Variants in KDM3B observed in about 807,000 individuals in gnomAD.
KDM3B encodes lysine-specific demethylase 3B.
Under a neutral mutation model 170.0 loss-of-function variants are expected in KDM3B, and 10 were observed. The observed-to-expected ratio is 0.06, with a 90% CI of 0.04 to 0.10. The LOEUF (loss-of-function observed/expected upper bound fraction) is 0.10, where lower values mean the gene tolerates loss of function less well. Among genes scored for constraint, KDM3B ranks in the 10% least tolerant of loss-of-function variants. The pLI, the probability that KDM3B is intolerant of heterozygous loss-of-function variation, is 1.00. For synonymous variants in KDM3B, 831 were observed against 834.8 expected, an observed-to-expected ratio of 1.00 and a Z score of 0.08; for missense variants, 1,394 against 2,195.2, an observed-to-expected ratio of 0.64 and a Z score of 7.29.
intron 9 of KDM3B, among the ~76,000 whole-genome samples, chr5:138,397,118 C>T (rs562570319): frequency 2.6e-5 from 4 of 151,842 alleles, no homozygotes; most frequent in African/African-American, 7.2e-5. Flanking sequence ...ATCACAAGGT[C>T]GGGAGATCGA....
At chr5:138,400,380 C>T (rs1464284736) in intron 11 of KDM3B, among the ~76,000 whole-genome samples, 1 of 151,924 alleles carries the variant, frequency 6.6e-6, no homozygotes, top group Non-Finnish European at 1.5e-5. Flanking sequence ...AGGCATGAGC[C>T]ACCGTACCTG....
At position 138,435,960 on chromosome 5, in the gene KDM3B, A is replaced by G. The variant is rs1049164479; in HGVS notation, c.*260A>G. On this transcript the variant is annotated 3_prime_UTR_variant, in exon 24 of 24. Coordinates refer to ENST00000314358, the MANE Select transcript of KDM3B (RefSeq NM_016604.4). ...TATCCTGTGGCCTTTTGGAAATCCA[A>G]ATTGCCTGAACATGGCGGGGCTTTC... 2.4e-6 allele frequency: 1 copy of G among 423,882 alleles called. No homozygotes were observed. Among genetic ancestry groups the G allele is most frequent in the African/African-American group, 2.0e-5 (1 of 49,438 alleles). 26.3% of individuals were successfully genotyped at this position (423,882 alleles called of 1,614,324 possible).
intron 11 of KDM3B, among the ~76,000 whole-genome samples, chr5:138,406,256 G>T (rs1250588504): frequency 1.9e-4 from 29 of 152,158 alleles, no homozygotes; most frequent in Admixed American, 1.8e-3. Context: ...GATGGGAGAG[G>T]ATCACCTGAG....
rs112411299 is a variant in KDM3B, at chr5:138,356,420, T to C, written c.192+3433T>C. On this transcript the variant is annotated intron_variant, in intron 1 of 23. Coordinates refer to ENST00000314358, the MANE Select transcript of KDM3B (RefSeq NM_016604.4). Reference sequence around the variant, plus strand: ...TCAGTCTTTCTCATTTTTGCCAATCTGATGGGTGAAAAACAATATCCATAA... The same window carrying C: ...TCAGTCTTTCTCATTTTTGCCAATCCGATGGGTGAAAAACAATATCCATAA... Among the ~76,000 whole-genome samples the C allele has an allele frequency of 8.1e-3, 1,235 of 152,286 alleles. 11 individuals are homozygous for C. The highest frequency in any genetic ancestry group is 0.014 in the Non-Finnish European group (944 of 68,020).
At position 138,379,739 on chromosome 5, in the gene KDM3B, C is replaced by T. The variant is rs116734540; in HGVS notation, c.705+31C>T. ...ACTCTGTGTTATTCTGTCTAAGGTC[C>T]ATCCATCCCCTTAAAGAGGATGGTT... is the stretch of plus-strand genomic sequence containing the variant. On this transcript the variant is annotated intron_variant, in intron 5 of 23. Transcript: ENST00000314358. 2,516 of 1,591,134 alleles carry T rather than the reference C, an allele frequency of 1.6e-3. 6 individuals are homozygous for T. Among genetic ancestry groups the T allele is most frequent in the Admixed American group, 1.6e-3 (92 of 56,478 alleles).
At position 138,372,759 on chromosome 5, in the gene KDM3B, A is replaced by G; in HGVS notation, c.278A>G (p.Glu93Gly). 1 of 1,614,086 alleles carries G rather than the reference A, an allele frequency of 6.2e-7. No individual in the cohort carries two copies. Among genetic ancestry groups the G allele is most frequent in the Non-Finnish European group, 8.5e-7 (1 of 1,180,004 alleles). The change falls in exon 2 of 24, where the codon GAA becomes GGA. Residue 93 changes from glutamate (E) to glycine (G), a missense_variant. This residue lies in a region of KDM3B where 16 missense variants were observed against 48.6 expected (regional missense o/e 0.33). Transcript: ENST00000314358. ...HAEEVIVLLL[E>G]GSLVWAPRED... is the part of the protein sequence containing the mutation. ...GAGGAAGTTATCGTGCTTCTGCTGG[A>G]AGGGTCTCTTGTATGGGCGCCCCGT...
chr5:138,359,827 A>T (rs1039646084), intron 1 of KDM3B, among the ~76,000 whole-genome samples: 3 of 150,996 alleles, frequency 2.0e-5, no homozygotes, highest in Non-Finnish European at 4.4e-5. Flanking sequence ...TATCCGCCCT[A>T]TTTTTTTTTA....
intron 1 of KDM3B, among the ~76,000 whole-genome samples, chr5:138,363,176 G>A (rs1182564474): frequency 6.6e-6 from 1 of 151,978 alleles, no homozygotes; most frequent in African/African-American, 2.4e-5. Context: ...ATGGAGGTCA[G>A]GAAACACGGA....
chr5:138,399,164 A>G (rs114422939), intron 10 of KDM3B, among the ~76,000 whole-genome samples: 5,771 of 151,650 alleles, frequency 0.038, 179 homozygotes, highest in Non-Finnish European at 0.06. Flanking sequence ...CTGGGGTTAC[A>G]TGTGTGAGCC....
intron 2 of KDM3B, among the ~76,000 whole-genome samples, chr5:138,374,057 G>A (rs969504416): frequency 1.3e-5 from 2 of 151,996 alleles, no homozygotes; most frequent in Admixed American, 6.6e-5. Flanking sequence ...GCAGTGGCAC[G>A]ATCTAGGCTC....
intron 1 of KDM3B, among the ~76,000 whole-genome samples, chr5:138,371,288 T>C (rs1761866562): frequency 6.6e-6 from 1 of 151,706 alleles, no homozygotes; most frequent in Admixed American, 6.6e-5. Flanking sequence ...AGTGAGACCC[T>C]GTCTCTACAA....
At chr5:138,393,678 C>T (rs1276376779) in intron 9 of KDM3B, among the ~76,000 whole-genome samples, 1 of 152,186 alleles carries the variant, frequency 6.6e-6, no homozygotes, top group East Asian at 1.9e-4. Context: ...AGCAGAAGGA[C>T]TGCATTTCAT....
Position 138,367,909 on chromosome 5 carries a change from AGGCTGAGGCAGGAGAATCACTTGAACCT to A in KDM3B, c.193-4762_193-4735del, listed in dbSNP as rs1368831916. 2.6e-5 allele frequency among the ~76,000 whole-genome samples: 4 copies of A among 152,150 alleles called. No homozygotes were observed. The East Asian group carries it at 7.7e-4, about 29-fold the overall frequency. On this transcript the variant is annotated intron_variant, in intron 1 of 23. Transcript: ENST00000314358. ...GCACCTGTAGTCCCAGCTACTCAGA[AGGCTGAGGCAGGAGAATCACTTGAACCT>A]GGGAGGTGGAGGTTGCAGTGAGCCG...
chr5:138,414,506 C>T (rs1227321890), intron 11 of KDM3B, among the ~76,000 whole-genome samples: 1 of 152,086 alleles, frequency 6.6e-6, no homozygotes, highest in East Asian at 1.9e-4. Context: ...CACTGATGGC[C>T]AGGGCTTGAG....
chr5:138,380,541 T>G (rs1762102059), intron 5 of KDM3B, among the ~76,000 whole-genome samples: 1 of 152,006 alleles, frequency 6.6e-6, no homozygotes, highest in African/African-American at 2.4e-5. Context: ...CATGGATATA[T>G]CATGACTAAT....
At chr5:138,435,479 G>T in intron 23 of KDM3B, 141 bp from the exon 24 acceptor site, 1 of 640,134 alleles carries the variant, frequency 1.6e-6, no homozygotes, top group Non-Finnish European at 2.8e-6. Flanking sequence ...TATGTGATTT[G>T]TAAATGACTG....
chr5:138,372,875 A>T lies in KDM3B; in HGVS notation c.360+34A>T. ...CTTTTACTGGGTGGGAACATGTCTG[A>T]GCTTTACTCCTATAATATAACTATG... is the stretch of plus-strand genomic sequence containing the variant. On this transcript the variant is annotated intron_variant, in intron 2 of 23. Transcript: ENST00000314358. 1.9e-6 allele frequency: 3 copies of T among 1,580,888 alleles called. No individual in the cohort carries two copies. The South Asian group carries it at 3.4e-5, about 18-fold the overall frequency.
chr5:138,382,529 G>T (rs903890739), intron 6 of KDM3B, among the ~76,000 whole-genome samples: 4 of 152,228 alleles, frequency 2.6e-5, no homozygotes, highest in South Asian at 2.1e-4. Context: ...CAGTTGACCA[G>T]CTGTCCACAT....
chr5:138,387,532 G>GA (rs1485079441), intron 7 of KDM3B, among the ~76,000 whole-genome samples: 6 of 152,114 alleles, frequency 3.9e-5, no homozygotes, highest in Non-Finnish European at 8.8e-5. Flanking sequence ...AATCATTTCA[G>GA]AAAAAACAAT....
Sources: gnomAD v4.1 joint callset for allele counts (sites outside exome capture counted in the v4.1 genomes callset) on GRCh38, gnomAD v4.1.1 for gene constraint, gnomAD v4.1.1 regional missense constraint, MANE v1.5 for transcripts, NCBI Gene and HGNC (gene_info 2026-07-23, HGNC 2026-07-21) for gene names.